Variants in SMAD3 observed in about 807,000 individuals in gnomAD.
SMAD3 encodes the protein MAD homolog 3.
SMAD3 carries 12 observed loss-of-function variants against 51.8 expected under a neutral mutation model. That is an observed-to-expected ratio of 0.23 (90% CI 0.15 to 0.38). The LOEUF (loss-of-function observed/expected upper bound fraction) is 0.38. Among genes scored for constraint, SMAD3 ranks in the 10% least tolerant of loss-of-function variants. The pLI is 1.00. For missense variants in SMAD3, 294 were observed against 565.6 expected (o/e 0.52, Z 4.87); for synonymous variants, 238 against 227.7 (o/e 1.05, Z -0.41).
intron 7 of SMAD3, among the ~76,000 whole-genome samples, chr15:67,185,363 G>A (rs148890257): frequency 1.2e-4 from 19 of 152,330 alleles, no homozygotes; most frequent in African/African-American, 3.4e-4. Flanking sequence ...ATGGATCAGG[G>A]AAGTCTTCAT....
At chr15:67,103,341 AG>A (rs1287127714) in intron 1 of SMAD3, among the ~76,000 whole-genome samples, 3 of 152,228 alleles carry the variant, frequency 2.0e-5, no homozygotes, top group African/African-American at 7.2e-5. Flanking sequence ...TCACTCGACA[AG>A]GGGATAGCAG....
At chr15:67,084,395 A>G (rs1251148185) in intron 1 of SMAD3, among the ~76,000 whole-genome samples, 1 of 151,946 alleles carries the variant, frequency 6.6e-6, no homozygotes, top group Non-Finnish European at 1.5e-5. Context: ...TCAGATTTTC[A>G]TGATAGCCCT....
intron 1 of SMAD3, among the ~76,000 whole-genome samples, chr15:67,103,940 A>G (rs1960819350): frequency 6.6e-6 from 1 of 152,174 alleles, no homozygotes; most frequent in South Asian, 2.1e-4. Flanking sequence ...CACCTTTTCC[A>G]GAGGTGTTGA....
At chr15:67,171,098 C>T (rs1962739661) in intron 5 of SMAD3, among the ~76,000 whole-genome samples, 1 of 152,162 alleles carries the variant, frequency 6.6e-6, no homozygotes, top group Admixed American at 6.5e-5. Flanking sequence ...TCCCACCACC[C>T]TAACATAACT....
chr15:67,094,350 C>T (rs1288961387), intron 1 of SMAD3, among the ~76,000 whole-genome samples: 1 of 152,202 alleles, frequency 6.6e-6, no homozygotes. Context: ...TGCTCTGGGC[C>T]CCTCATCCCA....
At chr15:67,186,812 G>A in intron 7 of SMAD3, 1 of 335,432 alleles carries the variant, frequency 3.0e-6, no homozygotes, top group Non-Finnish European at 5.9e-6. Flanking sequence ...CATCAGAGGA[G>A]CCCAGGTGGA....
chr15:67,170,580 A>C lies in SMAD3; in HGVS notation c.634A>C (p.Met212Leu). 1 of 1,614,018 alleles carries C rather than the reference A, an allele frequency of 6.2e-7. No homozygotes were observed. Among genetic ancestry groups the C allele is most frequent in the Non-Finnish European group, 8.5e-7 (1 of 1,179,906 alleles). ...AGSPNLSPNPMSPAHNNLDLQ... is the reference protein window; with the variant it reads ...AGSPNLSPNPLSPAHNNLDLQ... ...TTCTCCAAACCTATCCCCGAATCCG[A>C]TGTCCCCAGCACATAATAACTTGGG... The change falls in exon 5 of 9, where the codon ATG becomes CTG. Residue 212 changes from methionine (M) to leucine (L), a missense_variant. Coordinates refer to ENST00000327367, the MANE Select transcript of SMAD3 (RefSeq NM_005902.4).
chr15:67,168,319 G>A (rs1014925972), intron 4 of SMAD3, among the ~76,000 whole-genome samples: 5 of 152,326 alleles, frequency 3.3e-5, no homozygotes, highest in South Asian at 4.1e-4. Context: ...CCTGGACATC[G>A]TGGCACTTTT....
At chr15:67,098,873 G>C (rs1284165774) in intron 1 of SMAD3, 2 of 701,986 alleles carry the variant, frequency 2.8e-6, no homozygotes, top group South Asian at 3.0e-5. Flanking sequence ...GGCATACATG[G>C]ATGGGAGGGT....
chr15:67,121,035 G>C (rs1333746350), intron 1 of SMAD3, among the ~76,000 whole-genome samples: 1 of 152,140 alleles, frequency 6.6e-6, no homozygotes, highest in Non-Finnish European at 1.5e-5. Context: ...CATATGTTGG[G>C]ACTTTGTCTT....
At chr15:67,138,076 A>G (rs1961711599) in intron 1 of SMAD3, 1 of 1,551,688 alleles carries the variant, frequency 6.4e-7, no homozygotes. Context: ...GCTCTGGTAC[A>G]CCGGAAAGCA....
chr15:67,181,048 A>C (rs977322835), intron 5 of SMAD3, among the ~76,000 whole-genome samples, 193 bp from the exon 6 acceptor site: 1 of 152,238 alleles, frequency 6.6e-6, no homozygotes, highest in Non-Finnish European at 1.5e-5. Flanking sequence ...GGCTGATGGA[A>C]TCTCCTCCAG....
chr15:67,179,884 G>A (rs1054688844), intron 5 of SMAD3, among the ~76,000 whole-genome samples: 2 of 152,092 alleles, frequency 1.3e-5, no homozygotes, highest in Admixed American at 6.5e-5. Flanking sequence ...GGGTTAAAGC[G>A]AGGGAGGAGA....
intron 1 of SMAD3, among the ~76,000 whole-genome samples, chr15:67,077,422 C>A (rs1960194298): frequency 6.6e-6 from 1 of 152,140 alleles, no homozygotes; most frequent in South Asian, 2.1e-4. Context: ...GAAGGTGCTA[C>A]ATATTATAGC....
At chr15:67,100,532 ATATTAATG>A (rs1306712947) in intron 1 of SMAD3, among the ~76,000 whole-genome samples, 1 of 152,152 alleles carries the variant, frequency 6.6e-6, no homozygotes, top group African/African-American at 2.4e-5. Flanking sequence ...ATGTATTAAT[ATATTAATG>A]TATTAATAAA....
chr15:67,157,997 TCA>T (rs1238766975), intron 1 of SMAD3, among the ~76,000 whole-genome samples: 3 of 152,132 alleles, frequency 2.0e-5, no homozygotes, highest in Non-Finnish European at 4.4e-5. Context: ...GGGAGAGATC[TCA>T]GTCATAAATG....
intron 1 of SMAD3, chr15:67,098,625 C>G (rs983984867): frequency 3.8e-6 from 2 of 520,550 alleles, no homozygotes; most frequent in African/African-American, 3.8e-5. Context: ...CCCAGATCTG[C>G]TTATTTCGAG....
chr15:67,084,075 T>TTG (rs1555406187), intron 1 of SMAD3, among the ~76,000 whole-genome samples: 2 of 103,364 alleles, frequency 1.9e-5, no homozygotes, highest in Non-Finnish European at 3.7e-5. Context: ...TTTTTCTTTT[T>TTG]TTTTTTTTTT....
At chr15:67,089,759 G>A (rs567393016) in intron 1 of SMAD3, among the ~76,000 whole-genome samples, 5 of 152,316 alleles carry the variant, frequency 3.3e-5, no homozygotes, top group South Asian at 4.1e-4. Flanking sequence ...ACGTCATTTC[G>A]TTTCATCTCC....
Sources: allele counts gnomAD v4.1 joint callset (sites outside exome capture counted in the v4.1 genomes callset), GRCh38; gene constraint gnomAD v4.1.1; transcripts MANE v1.5; gene names NCBI Gene and HGNC (gene_info 2026-07-23, HGNC 2026-07-21).